Variants in FSIP1 observed in about 807,000 individuals in gnomAD.
FSIP1 encodes the protein fibrous sheath interacting protein 1.
FSIP1 carries 65 observed loss-of-function variants against 60.9 expected under a neutral mutation model. The observed-to-expected ratio is 1.07, with a 90% confidence interval of 0.87 to 1.31. The LOEUF (loss-of-function observed/expected upper bound fraction) is 1.31. Ranked by LOEUF, FSIP1 falls within the 40% of genes most tolerant of loss-of-function variation. The pLI, the probability that FSIP1 is intolerant of heterozygous loss-of-function variation, is 0.00. For missense variants in FSIP1, 675 were observed against 665.5 expected, an observed-to-expected ratio of 1.01 and a Z score of -0.16; for synonymous variants, 209 against 221.2, an observed-to-expected ratio of 0.94 and a Z score of 0.49.
chr15:39,650,654 G>A (rs1180701093), intron 10 of FSIP1, among the ~76,000 whole-genome samples: 3 of 152,064 alleles, frequency 2.0e-5, no homozygotes, highest in African/African-American at 7.2e-5. Context: ...CACCTCCCTG[G>A]CCTCAGCGTC....
intron 5 of FSIP1, among the ~76,000 whole-genome samples, chr15:39,744,756 C>G (rs868743773): frequency 7.2e-4 from 73 of 100,978 alleles, no homozygotes; most frequent in East Asian, 2.8e-3. Context: ...CTGTCTCTCT[C>G]TCTCTCTCTC....
At chr15:39,750,768 A>G (rs537942100) in intron 5 of FSIP1, among the ~76,000 whole-genome samples, 1 of 151,892 alleles carries the variant, frequency 6.6e-6, no homozygotes, top group South Asian at 2.1e-4. Context: ...TCAGAATACA[A>G]AAGCAAAAAT....
intron 10 of FSIP1, among the ~76,000 whole-genome samples, chr15:39,625,758 T>C (rs1343811762): frequency 6.6e-6 from 1 of 152,052 alleles, no homozygotes; most frequent in Non-Finnish European, 1.5e-5. Context: ...GGCCAGGAGA[T>C]GAGGTGCACA....
rs139995641 is a variant in FSIP1, at chr15:39,733,278, G to A, written c.891+4813C>T. ...ACTCCTAGCCCCAAGTGATCCTCCC[G>A]CCTTGGCCTCCCAAAGTGCAGAGAT... On this transcript the variant is annotated intron_variant, in intron 8 of 11. Transcript: ENST00000350221. 2.5e-3 allele frequency among the ~76,000 whole-genome samples: 382 copies of A among 152,208 alleles called. 1 individual carries two copies. The highest frequency in any genetic ancestry group is 4.8e-3 in the Non-Finnish European group (323 of 67,996).
At position 39,615,805 on chromosome 15, in the gene FSIP1, G is replaced by GGGGAAAAA. The variant is rs762557352; in HGVS notation, c.1699+1922_1699+1929dup. ...TTACCAGTGGCTGGGGGATGAAGAG[G>GGGGAAAAA]GGGAAAAAGGGAATGGAGAGTTGTT... On this transcript the variant is annotated intron_variant, in intron 11 of 11. Transcript: ENST00000350221. Among the ~76,000 whole-genome samples, 327 of 152,156 alleles carry GGGGAAAAA rather than the reference G, an allele frequency of 2.1e-3. 1 individual carries two copies. The highest frequency in any genetic ancestry group is 2.8e-3 in the Non-Finnish European group (189 of 67,972).
intron 10 of FSIP1, among the ~76,000 whole-genome samples, chr15:39,684,558 T>C (rs549125903): frequency 1.4e-3 from 213 of 152,338 alleles, no homozygotes; most frequent in African/African-American, 4.7e-3. Context: ...ATCTCCTTAA[T>C]TGAAAACCAA....
chr15:39,728,976 A>G (rs1228180612), intron 8 of FSIP1, among the ~76,000 whole-genome samples: 1 of 152,210 alleles, frequency 6.6e-6, no homozygotes, highest in African/African-American at 2.4e-5. Flanking sequence ...CATAGCCAAC[A>G]AGCATATGAA....
At chr15:39,614,761 C>A (rs1891164138) in intron 11 of FSIP1, among the ~76,000 whole-genome samples, 1 of 151,852 alleles carries the variant, frequency 6.6e-6, no homozygotes, top group African/African-American at 2.4e-5. Flanking sequence ...TATCAAAAAT[C>A]CAATGTCATT....
intron 10 of FSIP1, among the ~76,000 whole-genome samples, chr15:39,704,431 G>A (rs1169057584): frequency 2.6e-5 from 4 of 152,178 alleles, no homozygotes; most frequent in East Asian, 3.9e-4. Context: ...ATGTATATCC[G>A]GTTGGTAACA....
Position 39,696,753 on chromosome 15 carries a change from T to C in FSIP1, c.1188+16691A>G, listed in dbSNP as rs1047732174. On this transcript the variant is annotated intron_variant, in intron 10 of 11. Transcript: ENST00000350221. ...TGTATTGTTAAGTGAAAAAGCAGGCTATAAAATGTATGTAGAATATGATCC... is the reference window on the plus strand; with the variant it reads ...TGTATTGTTAAGTGAAAAAGCAGGCCATAAAATGTATGTAGAATATGATCC... Among the ~76,000 whole-genome samples, 3 of 151,948 alleles carry C rather than the reference T, an allele frequency of 2.0e-5. No individual in the cohort carries two copies. In the South Asian group the frequency reaches 6.2e-4, roughly 32 times the overall value.
chr15:39,644,490 A>G (rs1892510668), intron 10 of FSIP1, among the ~76,000 whole-genome samples: 1 of 152,194 alleles, frequency 6.6e-6, no homozygotes, highest in South Asian at 2.1e-4. Flanking sequence ...CAAACCTGCC[A>G]GGATGATTCT....
chr15:39,708,039 T>C (rs1418770279), intron 10 of FSIP1, among the ~76,000 whole-genome samples: 1 of 152,186 alleles, frequency 6.6e-6, no homozygotes, highest in African/African-American at 2.4e-5. Context: ...CTGTGGGGGC[T>C]GTCTTATGGT....
chr15:39,769,278 C>CA (rs536401282), intron 3 of FSIP1, among the ~76,000 whole-genome samples: 18,656 of 85,336 alleles, frequency 0.22, 1,548 homozygotes, highest in Admixed American at 0.37. Flanking sequence ...GACTCCGTCT[C>CA]AAAAAAAAAA....
intron 11 of FSIP1, chr15:39,602,482 T>C (rs1161400691): frequency 1.5e-5 from 6 of 411,714 alleles, no homozygotes; most frequent in Non-Finnish European, 2.9e-5. Context: ...ATATGAATTA[T>C]ATCTCAATAA....
intron 2 of FSIP1, among the ~76,000 whole-genome samples, chr15:39,772,194 CT>C (rs540549656): frequency 8.0e-4 from 122 of 152,338 alleles, no homozygotes; most frequent in African/African-American, 2.8e-3. Context: ...CCATTGCCCA[CT>C]GGCCTCTCTA....
At chr15:39,640,727 CAAAAAA>C (rs111962610) in intron 10 of FSIP1, among the ~76,000 whole-genome samples, 2 of 100,000 alleles carry the variant, frequency 2.0e-5, no homozygotes, top group African/African-American at 6.3e-5. Context: ...GATTTACAGA[CAAAAAA>C]AAAAAAAAAA....
intron 11 of FSIP1, among the ~76,000 whole-genome samples, chr15:39,615,496 G>T (rs1412629097): frequency 6.6e-6 from 1 of 151,534 alleles, no homozygotes; most frequent in Non-Finnish European, 1.5e-5. Context: ...TGGCCAACAG[G>T]TTCATGAAAA....
intron 10 of FSIP1, among the ~76,000 whole-genome samples, chr15:39,670,667 T>C (rs184446899): frequency 1.1e-3 from 161 of 152,322 alleles, no homozygotes; most frequent in Admixed American, 1.9e-3. Flanking sequence ...TGCCAGGTTT[T>C]GGTCAACTGC....
rs376261887 is a variant in FSIP1, at chr15:39,618,069, T to C, written c.1365A>G (p.Glu455=). 30 of 1,614,194 alleles carry C rather than the reference T, an allele frequency of 1.9e-5. No individual in the cohort carries two copies. In the African/African-American group the frequency reaches 3.2e-4, roughly 17 times the overall value. The part of the protein sequence containing the change: ...SRSIISKLLN[E]SETKVQKTEV... ...CAGTTTTCTGGACCTTTGTTTCTGA[T>C]TCATTTAGCAATTTAGAGATGATGG... Residue 455 remains glutamate (E), a synonymous_variant, in exon 11 of 12, where the codon GAA becomes GAG. Transcript: ENST00000350221.
Sources: allele counts gnomAD v4.1 joint callset (sites outside exome capture counted in the v4.1 genomes callset), GRCh38; gene constraint gnomAD v4.1.1; transcripts MANE v1.5; gene names NCBI Gene and HGNC (gene_info 2026-07-23, HGNC 2026-07-21).